CERS6: variants seen among roughly 807,000 people sequenced by gnomAD.
CERS6 encodes LAG1 homolog, ceramide synthase 6.
Under a neutral mutation model 56.8 loss-of-function variants are expected in CERS6, and 26 were observed. The observed-to-expected ratio is 0.46, with a 90% CI of 0.34 to 0.63. The LOEUF (loss-of-function observed/expected upper bound fraction) is 0.63, where lower values mean the gene tolerates loss of function less well. Among genes scored for constraint, CERS6 ranks in the 30% least tolerant of loss-of-function variants. CERS6 has a pLI of 0.01. For synonymous variants in CERS6, 164 were observed against 173.3 expected (o/e 0.95, Z 0.42); for missense variants, 415 against 467.5 (o/e 0.89, Z 1.04).
At chr2:168,551,476 C>T (rs1186045865) in intron 2 of CERS6, among the ~76,000 whole-genome samples, 1 of 152,182 alleles carries the variant, frequency 6.6e-6, no homozygotes, top group Non-Finnish European at 1.5e-5. Flanking sequence ...CGTCCCTAGG[C>T]TGCAGATAGC....
At chr2:168,582,499 C>G (rs933515189) in intron 3 of CERS6, among the ~76,000 whole-genome samples, 2 of 152,054 alleles carry the variant, frequency 1.3e-5, no homozygotes. Flanking sequence ...GTTTGTCTGA[C>G]TAGCCTAGCC....
chr2:168,550,167 G>A (rs1478508414), intron 2 of CERS6, among the ~76,000 whole-genome samples: 3 of 151,886 alleles, frequency 2.0e-5, no homozygotes, highest in Non-Finnish European at 2.9e-5. Flanking sequence ...TTGTCAAGGT[G>A]TTTTTTTGTT....
chr2:168,641,056 T>G (rs1184778830), intron 4 of CERS6, among the ~76,000 whole-genome samples: 1 of 152,190 alleles, frequency 6.6e-6, no homozygotes, highest in Non-Finnish European at 1.5e-5. Flanking sequence ...CATGGATTGC[T>G]GTAAAATTAC....
At position 168,770,803 on chromosome 2, in the gene CERS6, A is replaced by T. The variant is rs1316476328; in HGVS notation, c.*1141A>T. The T allele has an allele frequency of 1.3e-5, 2 of 152,502 alleles. No individual in the cohort carries two copies. Among genetic ancestry groups the T allele is most frequent in the Non-Finnish European group, 2.9e-5 (2 of 68,036 alleles). 9.4% of individuals were successfully genotyped at this position (152,502 alleles called of 1,614,324 possible). A position where few individuals can be genotyped will look rare whatever the true frequency, so the allele number is the denominator to read the frequency against. On this transcript the variant is annotated 3_prime_UTR_variant, in exon 10 of 10. Coordinates refer to ENST00000305747, the MANE Select transcript of CERS6 (RefSeq NM_203463.3). ...GCTTTTCTCCTTAAACGTAATCCAG[A>T]TGACTTTCCTGTTACTAAACACTGA...
chr2:168,607,109 A>T (rs1684070903), intron 3 of CERS6, among the ~76,000 whole-genome samples: 1 of 152,140 alleles, frequency 6.6e-6, no homozygotes, highest in South Asian at 2.1e-4. Flanking sequence ...GGGTTTTTAC[A>T]TTTTTAAATG....
chr2:168,766,230 C>G (rs1684726309), intron 9 of CERS6: 6 of 1,208,908 alleles, frequency 5.0e-6, no homozygotes, highest in Non-Finnish European at 7.3e-6. Flanking sequence ...AAGCCTCAGC[C>G]CCAACCCTGT....
chr2:168,770,091 A>C lies in CERS6; in HGVS notation c.*429A>C, dbSNP rs2105472371. The C allele has an allele frequency of 5.3e-6, 1 of 190,058 alleles. No individual in the cohort carries two copies. Among genetic ancestry groups the C allele is most frequent in the East Asian group, 1.9e-4 (1 of 5,378 alleles). The allele number at this position is 190,058 out of a possible 1,614,324, so 11.8% of individuals were successfully genotyped here. A position where few individuals can be genotyped will look rare whatever the true frequency, so the allele number is the denominator to read the frequency against. On this transcript the variant is annotated 3_prime_UTR_variant, in exon 10 of 10. Transcript: ENST00000305747. ...TTGTCACTTAGAGCAAGCAAAACCCAGTGCAAGAGTCTCGTTCAGCTCTAA... is the reference window on the plus strand; with the variant it reads ...TTGTCACTTAGAGCAAGCAAAACCCCGTGCAAGAGTCTCGTTCAGCTCTAA...
intron 3 of CERS6, among the ~76,000 whole-genome samples, chr2:168,585,010 C>T (rs1008413038): frequency 6.6e-6 from 1 of 152,198 alleles, no homozygotes; most frequent in Non-Finnish European, 1.5e-5. Context: ...CATCTCCTGT[C>T]TTAAGGATTT....
chr2:168,521,721 T>C (rs1245498980), intron 1 of CERS6, among the ~76,000 whole-genome samples: 1 of 152,198 alleles, frequency 6.6e-6, no homozygotes, highest in Non-Finnish European at 1.5e-5. Flanking sequence ...AAAATAATTC[T>C]GCCAGTAGCT....
chr2:168,747,932 C>A (rs1310880216), intron 8 of CERS6, among the ~76,000 whole-genome samples: 1 of 152,082 alleles, frequency 6.6e-6, no homozygotes, highest in Non-Finnish European at 1.5e-5. Context: ...ATGCATGTAT[C>A]CTGTTTTACT....
chr2:168,732,713 G>A (rs1676599949), intron 8 of CERS6, among the ~76,000 whole-genome samples: 2 of 152,166 alleles, frequency 1.3e-5, no homozygotes, highest in African/African-American at 4.8e-5. Flanking sequence ...TAACTGACTT[G>A]TGGCTTTTCT....
intron 3 of CERS6, chr2:168,606,350 T>C (rs1022484602): frequency 6.6e-6 from 1 of 152,270 alleles, no homozygotes; most frequent in Non-Finnish European, 1.5e-5. Flanking sequence ...ACCACCATTG[T>C]ATCTTGGAAG....
intron 8 of CERS6, among the ~76,000 whole-genome samples, chr2:168,745,521 G>C (rs568901233): frequency 6.6e-6 from 1 of 152,102 alleles, no homozygotes; most frequent in Non-Finnish European, 1.5e-5. Context: ...GATTACAGGC[G>C]TGAACCACTG....
intron 4 of CERS6, among the ~76,000 whole-genome samples, chr2:168,631,295 GT>G (rs1684710901): frequency 6.7e-6 from 1 of 148,474 alleles, no homozygotes; most frequent in South Asian, 2.1e-4. Flanking sequence ...TTTGAAAGAA[GT>G]TAGAGTTTCT....
chr2:168,544,091 A>G (rs947563278), intron 1 of CERS6, among the ~76,000 whole-genome samples: 12 of 152,376 alleles, frequency 7.9e-5, no homozygotes, highest in African/African-American at 2.9e-4. Context: ...ATGCTATGAC[A>G]TCGTTCAAAG....
rs570077325 is a variant in CERS6, at chr2:168,500,099, C to T, written c.170+43481C>T. Among the ~76,000 whole-genome samples the T allele has an allele frequency of 2.0e-5, 3 of 152,250 alleles. No homozygotes were observed. In the East Asian group the frequency reaches 5.8e-4, roughly 29 times the overall value. On this transcript the variant is annotated intron_variant, in intron 1 of 9. Transcript: ENST00000305747. Reference sequence around the variant, plus strand: ...GAGTATGTTCTTTGATGGACTCATTCATAGGAAGTGCCTACAATACTAAAT... The same window carrying T: ...GAGTATGTTCTTTGATGGACTCATTTATAGGAAGTGCCTACAATACTAAAT...
intron 8 of CERS6, among the ~76,000 whole-genome samples, chr2:168,733,741 A>G (rs1431060754): frequency 6.6e-6 from 1 of 152,224 alleles, no homozygotes; most frequent in Admixed American, 6.5e-5. Flanking sequence ...TTCTGGAAAC[A>G]TGATGATGGT....
At chr2:168,631,711 T>C (rs1684742589) in intron 4 of CERS6, among the ~76,000 whole-genome samples, 2 of 115,400 alleles carry the variant, frequency 1.7e-5, no homozygotes, top group East Asian at 6.0e-4. Flanking sequence ...TATATTTATA[T>C]TATATTTATA....
chr2:168,644,271 C>T (rs1447390277), intron 4 of CERS6: 1 of 976,784 alleles, frequency 1.0e-6, no homozygotes, highest in Non-Finnish European at 1.2e-6. Flanking sequence ...ATGAAGGAAG[C>T]TTCAGCTCAG....
Sources: allele counts gnomAD v4.1 joint callset (sites outside exome capture counted in the v4.1 genomes callset), GRCh38; gene constraint gnomAD v4.1.1; transcripts MANE v1.5; gene names NCBI Gene and HGNC (gene_info 2026-07-23, HGNC 2026-07-21).